Variants in ENOX1 observed in about 807,000 individuals in gnomAD.
ENOX1 encodes ecto-NOX disulfide-thiol exchanger 1.
ENOX1 carries 42 observed loss-of-function variants against 82.5 expected under a neutral mutation model. The ratio of observed to expected loss-of-function variants is 0.51; its 90% CI spans 0.40 to 0.66. The LOEUF is 0.66. Among genes scored for constraint, ENOX1 ranks in the 30% least tolerant of loss-of-function variants. The pLI, the probability that ENOX1 is intolerant of heterozygous loss-of-function variation, is 0.00. For missense variants in ENOX1, 608 were observed against 811.6 expected (o/e 0.75, Z 3.05); for synonymous variants, 271 against 282.2 (o/e 0.96, Z 0.40).
Position 43,644,111 on chromosome 13 carries a change from G to A in ENOX1, c.-219+23368C>T, listed in dbSNP as rs116886318. On this transcript the variant is annotated intron_variant, in intron 2 of 16. Transcript: ENST00000690772. Reference sequence around the variant, plus strand: ...ATTAGTTTTAAAATATTCAGTTCCCGATTTCCCATAAAACTGAGGGCATCA... The same window carrying A: ...ATTAGTTTTAAAATATTCAGTTCCCAATTTCCCATAAAACTGAGGGCATCA... 1.5e-4 allele frequency among the ~76,000 whole-genome samples: 23 copies of A among 152,104 alleles called. 1 individual carries two copies. The East Asian group carries it at 4.3e-3, about 28-fold the overall frequency.
At chr13:43,710,243 G>A (rs1054772813) in intron 1 of ENOX1, among the ~76,000 whole-genome samples, 9 of 152,050 alleles carry the variant, frequency 5.9e-5, no homozygotes, top group African/African-American at 1.4e-4. Context: ...AGTTTATCCC[G>A]ATGTTCAGAT....
chr13:43,582,685 C>A (rs1324892589), intron 2 of ENOX1, among the ~76,000 whole-genome samples: 1 of 152,078 alleles, frequency 6.6e-6, no homozygotes, highest in African/African-American at 2.4e-5. Flanking sequence ...GGGTTGCTCC[C>A]ACCTCAGCCT....
chr13:43,367,244 T>C (rs965042642), intron 5 of ENOX1, among the ~76,000 whole-genome samples: 2 of 152,254 alleles, frequency 1.3e-5, no homozygotes, highest in Non-Finnish European at 2.9e-5. Flanking sequence ...TCTAAACCCG[T>C]CTGGCATAGG....
rs974976506 is a variant in ENOX1 at position 43,578,899 on chromosome 13, T to G, written c.-219+88580A>C. Among the ~76,000 whole-genome samples the G allele has an allele frequency of 3.9e-5, 6 of 152,208 alleles. 1 individual carries two copies. The highest frequency in any genetic ancestry group is 2.6e-4 in the Admixed American group (4 of 15,278). On this transcript the variant is annotated intron_variant, in intron 2 of 16. Coordinates refer to ENST00000690772, the MANE Select transcript of ENOX1 (RefSeq NM_001347969.2). Reference sequence around the variant, plus strand: ...TTTATAACTGGAAAATTTGTTAATTTTATTTCTATTCTAGAAGTCTTACTA... The same window carrying G: ...TTTATAACTGGAAAATTTGTTAATTGTATTTCTATTCTAGAAGTCTTACTA...
At chr13:43,353,521 C>A (rs747249304) in intron 8 of ENOX1, among the ~76,000 whole-genome samples, 5 of 152,148 alleles carry the variant, frequency 3.3e-5, no homozygotes, top group African/African-American at 4.8e-5. Flanking sequence ...TATTTTATGT[C>A]CCCACATCAA....
chr13:43,533,256 T>C (rs2078308520), intron 2 of ENOX1, among the ~76,000 whole-genome samples: 1 of 152,132 alleles, frequency 6.6e-6, no homozygotes, highest in African/African-American at 2.4e-5. Flanking sequence ...GAAGAGGATC[T>C]AGGACTAGAT....
At chr13:43,457,960 C>T (rs971303753) in intron 3 of ENOX1, among the ~76,000 whole-genome samples, 1 of 152,006 alleles carries the variant, frequency 6.6e-6, no homozygotes, top group African/African-American at 2.4e-5. Flanking sequence ...TGTATTCCTC[C>T]CCTCATCTCC....
chr13:43,490,222 A>G (rs2076573694), intron 2 of ENOX1, among the ~76,000 whole-genome samples: 3 of 152,300 alleles, frequency 2.0e-5, no homozygotes, highest in Middle Eastern at 3.4e-3. Context: ...GATTGCAGGC[A>G]TAAGCCATTG....
intron 2 of ENOX1, among the ~76,000 whole-genome samples, chr13:43,634,851 C>A (rs187657350): frequency 6.6e-6 from 1 of 152,242 alleles, no homozygotes; most frequent in Non-Finnish European, 1.5e-5. Context: ...TGTTAATGGG[C>A]AAAAGAGGTC....
At chr13:43,413,405 TG>T (rs2054253844) in intron 3 of ENOX1, among the ~76,000 whole-genome samples, 1 of 152,092 alleles carries the variant, frequency 6.6e-6, no homozygotes, top group African/African-American at 2.4e-5. Flanking sequence ...GCTGTTACTT[TG>T]GAAGATGGTC....
At chr13:43,679,993 A>G (rs1040637499) in intron 1 of ENOX1, among the ~76,000 whole-genome samples, 2 of 152,204 alleles carry the variant, frequency 1.3e-5, no homozygotes, top group East Asian at 1.9e-4. Flanking sequence ...AAAACCTAAC[A>G]TATCTCAAAA....
chr13:43,345,628 G>A (rs2049332619), intron 8 of ENOX1, among the ~76,000 whole-genome samples: 1 of 152,202 alleles, frequency 6.6e-6, no homozygotes, highest in Non-Finnish European at 1.5e-5. Flanking sequence ...GGGTGATTAA[G>A]TTAATTAGAA....
chr13:43,427,055 A>G (rs2055350973), intron 3 of ENOX1, among the ~76,000 whole-genome samples: 1 of 152,196 alleles, frequency 6.6e-6, no homozygotes, highest in Non-Finnish European at 1.5e-5. Context: ...AAATGCAATG[A>G]CACAGTTCTC....
rs576730259 is a variant in ENOX1 at position 43,576,492 on chromosome 13, T to C, written c.-219+90987A>G. ...CAATATGGCAGCCACATGTAGCTATTGAGCATTTAAAATGTGCCTAGTTCA... is the reference window on the plus strand; with the variant it reads ...CAATATGGCAGCCACATGTAGCTATCGAGCATTTAAAATGTGCCTAGTTCA... On this transcript the variant is annotated intron_variant, in intron 2 of 16. Transcript: ENST00000690772. Among the ~76,000 whole-genome samples, 223 of 152,320 alleles carry C rather than the reference T, an allele frequency of 1.5e-3. 1 individual carries two copies. The highest frequency in any genetic ancestry group is 4.1e-3 in the African/African-American group (172 of 41,566).
intron 2 of ENOX1, among the ~76,000 whole-genome samples, chr13:43,573,116 C>A (rs898545241): frequency 5.3e-5 from 8 of 152,154 alleles, no homozygotes; most frequent in African/African-American, 1.9e-4. Flanking sequence ...TCCAAAGGCT[C>A]CCTGCTTGGT....
Position 43,442,724 on chromosome 13 carries a change from G to A in ENOX1, c.-74-29736C>T, listed in dbSNP as rs184331933. On this transcript the variant is annotated intron_variant, in intron 3 of 16. Coordinates refer to ENST00000690772, the MANE Select transcript of ENOX1 (RefSeq NM_001347969.2). ...TTTTCCATATCCCGGCTCTGTGTCA[G>A]CGTTCACATCAGCCCTCAGTTCTTC... Among the ~76,000 whole-genome samples the A allele has an allele frequency of 1.5e-3, 230 of 152,248 alleles. 1 individual carries two copies. Among genetic ancestry groups the A allele is most frequent in the Non-Finnish European group, 2.7e-3 (181 of 68,034 alleles).
intron 5 of ENOX1, among the ~76,000 whole-genome samples, chr13:43,405,652 C>T (rs2053751568): frequency 6.6e-6 from 1 of 152,152 alleles, no homozygotes; most frequent in Non-Finnish European, 1.5e-5. Context: ...CTTAGTCATC[C>T]ATTCCTGTGG....
rs147839327 is a variant in ENOX1, at chr13:43,432,747, T to G, written c.-74-19759A>C. On this transcript the variant is annotated intron_variant, in intron 3 of 16. Coordinates refer to ENST00000690772, the MANE Select transcript of ENOX1 (RefSeq NM_001347969.2). ...ACTCCGTCTCAGCCCTGAGATTCATTTATGAATTGCTTTTGTGGTTATTAT... is the reference window on the plus strand; with the variant it reads ...ACTCCGTCTCAGCCCTGAGATTCATGTATGAATTGCTTTTGTGGTTATTAT... 1.0e-3 allele frequency among the ~76,000 whole-genome samples: 154 copies of G among 152,322 alleles called. No individual in the cohort carries two copies. In the East Asian group the frequency reaches 0.027, roughly 27 times the overall value.
intron 5 of ENOX1, among the ~76,000 whole-genome samples, chr13:43,400,053 T>C (rs1298649545): frequency 6.6e-6 from 1 of 152,114 alleles, no homozygotes; most frequent in Non-Finnish European, 1.5e-5. Flanking sequence ...TGTGCCCTTG[T>C]CCTTTCATTC....
Sources: gnomAD v4.1 joint callset for allele counts (sites outside exome capture counted in the v4.1 genomes callset) on GRCh38, gnomAD v4.1.1 for gene constraint, MANE v1.5 for transcripts, NCBI Gene and HGNC (gene_info 2026-07-23, HGNC 2026-07-21) for gene names.